SERPINI1: variants seen among roughly 807,000 people sequenced by gnomAD.
SERPINI1 encodes neuroserpin.
A neutral mutation model predicts 41.1 loss-of-function variants in SERPINI1; 19 were observed. That is an observed-to-expected ratio of 0.46 (90% CI 0.32 to 0.68). The LOEUF is 0.68. Ranked by LOEUF, SERPINI1 falls within the 30% of genes least tolerant of loss-of-function variation. The pLI, the probability that SERPINI1 is intolerant of heterozygous loss-of-function variation, is 0.03. For missense variants in SERPINI1, 460 were observed against 479.2 expected (o/e 0.96, Z 0.37); for synonymous variants, 138 against 156.6 (o/e 0.88, Z 0.89).
At chr3:167,820,820 G>C (rs781448051) in intron 6 of SERPINI1, among the ~76,000 whole-genome samples, 3 of 152,202 alleles carry the variant, frequency 2.0e-5, no homozygotes, top group Non-Finnish European at 4.4e-5. Flanking sequence ...CTGAGGCCTG[G>C]GGTCCAGGCT....
intron 1 of SERPINI1, among the ~76,000 whole-genome samples, chr3:167,748,801 A>G (rs1725948025): frequency 6.9e-6 from 1 of 145,714 alleles, no homozygotes; most frequent in African/African-American, 2.5e-5. Flanking sequence ...TGTTAACTGT[A>G]TCTAAATACC....
chr3:167,799,230 C>G (rs2108562479), intron 5 of SERPINI1, among the ~76,000 whole-genome samples: 1 of 152,222 alleles, frequency 6.6e-6, no homozygotes, highest in South Asian at 2.1e-4. Flanking sequence ...GTGTGATGTT[C>G]CCTTCCTTGT....
Position 167,793,594 on chromosome 3 carries a change from A to ATTTT in SERPINI1, c.676+811_676+812insTTTT, listed in dbSNP as rs544906097. ...TCTACAAATATATATATATATATAT[A>ATTTT]TATTTTTAATTAGCTAGGCATAATG... On this transcript the variant is annotated intron_variant, in intron 4 of 8. Transcript: ENST00000446050. Among the ~76,000 whole-genome samples the ATTTT allele has an allele frequency of 4.7e-3, 505 of 106,418 alleles. 3 individuals are homozygous for ATTTT. The highest frequency in any genetic ancestry group is 0.018 in the African/African-American group (468 of 26,700). 69.8% of individuals were successfully genotyped at this position (106,418 alleles called of 152,430 possible). A position where few individuals can be genotyped will look rare whatever the true frequency, so the allele number is the denominator to read the frequency against.
intron 1 of SERPINI1, among the ~76,000 whole-genome samples, chr3:167,740,442 G>A (rs1026851064): frequency 2.6e-5 from 4 of 152,120 alleles, no homozygotes; most frequent in African/African-American, 7.2e-5. Context: ...TTTCATTGAC[G>A]TTTGTATTCA....
intron 1 of SERPINI1, among the ~76,000 whole-genome samples, chr3:167,759,291 C>G (rs1007279521): frequency 6.6e-6 from 1 of 151,404 alleles, no homozygotes; most frequent in Non-Finnish European, 1.5e-5. Flanking sequence ...GAAAATAAAT[C>G]ATTTTATCAA....
chr3:167,785,785 C>A (rs1239817933), intron 1 of SERPINI1, among the ~76,000 whole-genome samples: 1 of 152,074 alleles, frequency 6.6e-6, no homozygotes, highest in Non-Finnish European at 1.5e-5. Flanking sequence ...TTGTTTTATA[C>A]AAATACAATA....
intron 5 of SERPINI1, among the ~76,000 whole-genome samples, chr3:167,801,268 C>T (rs1727890344): frequency 6.6e-6 from 1 of 152,170 alleles, no homozygotes; most frequent in South Asian, 2.1e-4. Context: ...AAACCTCTAC[C>T]CTCCATATGG....
chr3:167,823,160 A>G (rs1477499649), intron 7 of SERPINI1, 88 bp downstream of exon 7: 2 of 903,490 alleles, frequency 2.2e-6, no homozygotes, highest in East Asian at 2.4e-5. Context: ...TTCAAAATGA[A>G]GCCAAAAAAG....
intron 1 of SERPINI1, among the ~76,000 whole-genome samples, chr3:167,773,904 A>G (rs1354083082): frequency 6.6e-6 from 1 of 152,196 alleles, no homozygotes; most frequent in Non-Finnish European, 1.5e-5. Context: ...AACGTACATA[A>G]CTTAATTTCC....
At chr3:167,743,497 TTG>T (rs1471473273) in intron 1 of SERPINI1, among the ~76,000 whole-genome samples, 3 of 152,276 alleles carry the variant, frequency 2.0e-5, no homozygotes. Flanking sequence ...AAAATTGTAG[TTG>T]TCTTTGCATT....
intron 1 of SERPINI1, among the ~76,000 whole-genome samples, chr3:167,763,224 G>A (rs1487960394): frequency 6.6e-6 from 1 of 152,028 alleles, no homozygotes; most frequent in Non-Finnish European, 1.5e-5. Flanking sequence ...AGGCAATAAT[G>A]CTAGAAAAAA....
chr3:167,767,032 C>A (rs1410916355), intron 1 of SERPINI1, among the ~76,000 whole-genome samples: 2 of 152,206 alleles, frequency 1.3e-5, no homozygotes, highest in Non-Finnish European at 2.9e-5. Context: ...CGATGAAACA[C>A]CCTTATACTG....
chr3:167,797,220 A>G (rs545724980), intron 5 of SERPINI1, among the ~76,000 whole-genome samples: 1 of 151,838 alleles, frequency 6.6e-6, no homozygotes, highest in Admixed American at 6.6e-5. Context: ...CTCCTTGTAA[A>G]TTTTCTTATA....
intron 5 of SERPINI1, among the ~76,000 whole-genome samples, chr3:167,799,255 A>G (rs1472630989): frequency 1.3e-5 from 2 of 151,916 alleles, no homozygotes; most frequent in Non-Finnish European, 2.9e-5. Flanking sequence ...ATGCATTCTT[A>G]TTGTTCAACT....
intron 1 of SERPINI1, among the ~76,000 whole-genome samples, chr3:167,747,671 T>C (rs781569988): frequency 7.9e-5 from 12 of 151,242 alleles, no homozygotes; most frequent in South Asian, 4.2e-4. Context: ...AACAAAACAC[T>C]AGATTATACA....
chr3:167,805,862 G>A (rs773603739), intron 5 of SERPINI1, among the ~76,000 whole-genome samples: 2 of 151,960 alleles, frequency 1.3e-5, no homozygotes, highest in Non-Finnish European at 2.9e-5. Context: ...GATGTGTGGT[G>A]CTATTTCTGA....
At chr3:167,754,602 G>A (rs528843633) in intron 1 of SERPINI1, among the ~76,000 whole-genome samples, 15 of 152,202 alleles carry the variant, frequency 9.9e-5, no homozygotes, top group Middle Eastern at 3.4e-3. Flanking sequence ...GAATTTTCAC[G>A]TCCTTGGAAC....
At chr3:167,744,761 TTAAA>T (rs1263925970) in intron 1 of SERPINI1, among the ~76,000 whole-genome samples, 2 of 106,090 alleles carry the variant, frequency 1.9e-5, no homozygotes, top group African/African-American at 3.8e-5. Flanking sequence ...TATTTATATA[TTAAA>T]TATATATTAT....
In SERPINI1 at chr3:167,794,742, C is replaced by T; in HGVS notation, c.799C>T (p.Leu267=). The change falls in exon 5 of 9, where the codon CTG becomes TTG. Residue 267 remains leucine (L), a synonymous_variant. Coordinates refer to ENST00000446050, the MANE Select transcript of SERPINI1 (RefSeq NM_001122752.2). ...LSRQEVPLAT[L]EPLVKAQLVE... ...CAGACAGGAAGTTCCTCTTGCTACT[C>T]TGGAGCCATTAGTCAAAGCACAGCT... is the stretch of plus-strand genomic sequence containing the variant. 1.9e-6 allele frequency: 3 copies of T among 1,613,698 alleles called. No homozygotes were observed. The highest frequency in any genetic ancestry group is 2.5e-6 in the Non-Finnish European group (3 of 1,179,814).
Sources: gnomAD v4.1 joint callset for allele counts (sites outside exome capture counted in the v4.1 genomes callset) on GRCh38, gnomAD v4.1.1 for gene constraint, MANE v1.5 for transcripts, NCBI Gene and HGNC (gene_info 2026-07-23, HGNC 2026-07-21) for gene names.